Variants in PIBF1 observed in about 807,000 individuals in gnomAD.
The protein encoded by PIBF1 is progesterone immunomodulatory binding factor 1.
Under a neutral mutation model 112.5 loss-of-function variants are expected in PIBF1, and 90 were observed. That is an observed-to-expected ratio of 0.80 (90% CI 0.67 to 0.95). The LOEUF is 0.95. Ranked by LOEUF, PIBF1 falls within the 40% of genes least tolerant of loss-of-function variation. PIBF1 has a pLI of 0.00. For missense variants in PIBF1, 915 were observed against 852.3 expected, an observed-to-expected ratio of 1.07 and a Z score of -0.92; for synonymous variants, 301 against 288.6, an observed-to-expected ratio of 1.04 and a Z score of -0.44.
chr13:72,927,185 C>T (rs1233825861), intron 13 of PIBF1, among the ~76,000 whole-genome samples: 2 of 151,810 alleles, frequency 1.3e-5, no homozygotes, highest in African/African-American at 4.8e-5. Flanking sequence ...TGTTGTGCCT[C>T]AGCGTTCCAA....
chr13:72,872,405 A>G (rs1414132602), intron 10 of PIBF1, among the ~76,000 whole-genome samples: 3 of 152,182 alleles, frequency 2.0e-5, no homozygotes, highest in Admixed American at 2.0e-4. Flanking sequence ...TGTACTTGAA[A>G]TGCTAAAGCA....
intron 16 of PIBF1, chr13:72,974,233 A>G (rs181563589): frequency 7.2e-5 from 11 of 152,450 alleles, no homozygotes; most frequent in African/African-American, 2.6e-4. Context: ...AAAGAATAAA[A>G]TTAACCTTTT....
rs552913873 is a variant in PIBF1 at position 72,980,478 on chromosome 13, A to T, written c.2049+6803A>T. 5.3e-5 allele frequency among the ~76,000 whole-genome samples: 8 copies of T among 152,296 alleles called. No homozygotes were observed. In the South Asian group the frequency reaches 1.5e-3, roughly 28 times the overall value. On this transcript the variant is annotated intron_variant, in intron 16 of 17. Coordinates refer to ENST00000326291, the MANE Select transcript of PIBF1 (RefSeq NM_006346.4). ...GAGGTCAGGCCAAAGAAAGATTTTT[A>T]AAAAAGAGTCATTTGGATTTAATAA...
intron 6 of PIBF1, among the ~76,000 whole-genome samples, chr13:72,825,836 C>G (rs1461405905): frequency 6.6e-6 from 1 of 150,476 alleles, no homozygotes; most frequent in Non-Finnish European, 1.5e-5. Flanking sequence ...GAAGCACAGG[C>G]AGGAGGATCA....
intron 9 of PIBF1, among the ~76,000 whole-genome samples, chr13:72,842,077 G>A (rs890159814): frequency 1.3e-5 from 2 of 152,096 alleles, no homozygotes; most frequent in Admixed American, 6.5e-5. Flanking sequence ...CTTAAATGAC[G>A]TAATACAGAC....
intron 14 of PIBF1, among the ~76,000 whole-genome samples, chr13:72,954,215 G>C (rs1594263055): frequency 6.6e-6 from 1 of 152,200 alleles, no homozygotes; most frequent in Non-Finnish European, 1.5e-5. Context: ...TCTGCTAACA[G>C]CAACTAGCTG....
chr13:72,923,648 A>T (rs1456450544), intron 13 of PIBF1, among the ~76,000 whole-genome samples: 1 of 152,188 alleles, frequency 6.6e-6, no homozygotes, highest in Non-Finnish European at 1.5e-5. Flanking sequence ...TTTCCTGACC[A>T]TGTTTATAGT....
chr13:72,782,921 G>T (rs2034369861), intron 1 of PIBF1, among the ~76,000 whole-genome samples: 1 of 148,944 alleles, frequency 6.7e-6, no homozygotes, highest in African/African-American at 2.6e-5. Flanking sequence ...TGTTTGTGTT[G>T]GGGGGGCGGT....
chr13:73,004,715 T>A (rs2043978479), intron 17 of PIBF1, among the ~76,000 whole-genome samples: 1 of 152,164 alleles, frequency 6.6e-6, no homozygotes, highest in South Asian at 2.1e-4. Context: ...TTATACCTAG[T>A]CATATTAATA....
chr13:72,873,823 T>A (rs1031403809), intron 10 of PIBF1, among the ~76,000 whole-genome samples: 2 of 151,700 alleles, frequency 1.3e-5, no homozygotes, highest in Non-Finnish European at 1.5e-5. Flanking sequence ...CAAGCCATAG[T>A]CTTGAGGAAA....
intron 5 of PIBF1, among the ~76,000 whole-genome samples, chr13:72,820,983 C>T (rs1346564324): frequency 1.3e-5 from 2 of 152,150 alleles, no homozygotes; most frequent in East Asian, 3.8e-4. Context: ...AATCCCCACC[C>T]TTAAGATGTT....
intron 14 of PIBF1, among the ~76,000 whole-genome samples, chr13:72,933,129 ATTG>A (rs2041762677): frequency 5.3e-5 from 8 of 152,240 alleles, no homozygotes; most frequent in Admixed American, 5.2e-4. Flanking sequence ...TTGCTAATAT[ATTG>A]TAGATCCCTC....
At chr13:72,950,947 AGTGCC>A (rs1214438054) in intron 14 of PIBF1, among the ~76,000 whole-genome samples, 1 of 152,192 alleles carries the variant, frequency 6.6e-6, no homozygotes, top group Non-Finnish European at 1.5e-5. Context: ...GCTCAAAGTG[AGTGCC>A]GTGGTTTTTA....
At chr13:72,941,238 A>G (rs1035066954) in intron 14 of PIBF1, among the ~76,000 whole-genome samples, 6 of 152,190 alleles carry the variant, frequency 3.9e-5, no homozygotes, top group African/African-American at 1.4e-4. Context: ...AACAGAGAAA[A>G]CAAGTTATTC....
intron 2 of PIBF1, among the ~76,000 whole-genome samples, chr13:72,784,993 C>A (rs1317770989): frequency 6.6e-6 from 1 of 152,070 alleles, no homozygotes; most frequent in African/African-American, 2.4e-5. Flanking sequence ...CTGCCTCAGT[C>A]TCCCACGTAG....
At chr13:72,786,651 G>C (rs888619474) in intron 2 of PIBF1, among the ~76,000 whole-genome samples, 2 of 152,112 alleles carry the variant, frequency 1.3e-5, no homozygotes, top group Non-Finnish European at 2.9e-5. Context: ...TGCAGCATTA[G>C]ACATTTCTCT....
chr13:73,010,287 G>GT (rs1445151012), intron 17 of PIBF1, among the ~76,000 whole-genome samples: 2 of 132,668 alleles, frequency 1.5e-5, no homozygotes, highest in Non-Finnish European at 3.1e-5. Context: ...TTCATTACCC[G>GT]TGGGTTGGGA....
intron 13 of PIBF1, among the ~76,000 whole-genome samples, chr13:72,925,300 A>G (rs1050538504): frequency 2.0e-5 from 3 of 152,188 alleles, no homozygotes; most frequent in African/African-American, 7.2e-5. Flanking sequence ...AAAACTTCCA[A>G]AGATTGACAA....
At chr13:73,000,141 T>G (rs1340436148) in intron 17 of PIBF1, among the ~76,000 whole-genome samples, 2 of 152,242 alleles carry the variant, frequency 1.3e-5, no homozygotes, top group Non-Finnish European at 2.9e-5. Flanking sequence ...ATGGCTCAGT[T>G]GACTAGCCTG....
Sources: allele counts gnomAD v4.1 joint callset (sites outside exome capture counted in the v4.1 genomes callset), GRCh38; gene constraint gnomAD v4.1.1; transcripts MANE v1.5; gene names NCBI Gene and HGNC (gene_info 2026-07-23, HGNC 2026-07-21).